Variants in APP observed in about 807,000 individuals in gnomAD.
APP encodes the protein amyloid beta precursor protein, also known as amyloid-beta precursor protein.
Under a neutral mutation model 101.4 loss-of-function variants are expected in APP, and 31 were observed. That is an observed-to-expected ratio of 0.31 (90% CI 0.23 to 0.41). The LOEUF is 0.41. Ranked by LOEUF, APP falls within the 10% of genes least tolerant of loss-of-function variation. APP has a pLI of 1.00. For missense variants in APP, 839 were observed against 1,003.7 expected, an observed-to-expected ratio of 0.84 and a Z score of 2.22; for synonymous variants, 366 against 364.4, an observed-to-expected ratio of 1.00 and a Z score of -0.05.
intron 11 of APP, among the ~76,000 whole-genome samples, chr21:25,962,223 T>TA (rs2041611078): frequency 6.6e-6 from 1 of 152,188 alleles, no homozygotes; most frequent in Non-Finnish European, 1.5e-5. Context: ...CACTGCCTTT[T>TA]AAAAAATCAT....
intron 1 of APP, among the ~76,000 whole-genome samples, chr21:26,132,169 T>C (rs991063116): frequency 1.3e-5 from 2 of 152,198 alleles, no homozygotes; most frequent in African/African-American, 4.8e-5. Flanking sequence ...TTTGCTATGA[T>C]CGAGCCTGTG....
At chr21:26,149,824 T>C (rs1000516209) in intron 1 of APP, among the ~76,000 whole-genome samples, 1 of 152,202 alleles carries the variant, frequency 6.6e-6, no homozygotes, top group Non-Finnish European at 1.5e-5. Flanking sequence ...GAATCGTCAC[T>C]GAAAAATTGC....
At chr21:26,032,739 T>C (rs1051583243) in intron 5 of APP, among the ~76,000 whole-genome samples, 13 of 151,882 alleles carry the variant, frequency 8.6e-5, no homozygotes, top group South Asian at 4.2e-4. Flanking sequence ...GAAAATGGTA[T>C]AAAAATATCA....
chr21:25,969,655 C>T (rs993032370), intron 11 of APP, among the ~76,000 whole-genome samples: 5 of 151,572 alleles, frequency 3.3e-5, no homozygotes, highest in Non-Finnish European at 5.9e-5. Context: ...GCCTGGGTAA[C>T]ACAGCGAGAC....
At chr21:25,954,517 A>G in intron 13 of APP, 73 bp downstream of exon 13, 105 of 1,108,834 alleles carry the variant, frequency 9.5e-5, no homozygotes, top group Middle Eastern at 2.0e-4. Flanking sequence ...TCAAACAGAT[A>G]ACTCACTTCC....
At chr21:25,944,250 G>A (rs747465749) in intron 13 of APP, among the ~76,000 whole-genome samples, 1 of 152,122 alleles carries the variant, frequency 6.6e-6, no homozygotes, top group Non-Finnish European at 1.5e-5. Context: ...ATTAAGTAAC[G>A]CCCTGGCCTT....
Position 25,905,102 on chromosome 21 carries a change from A to C in APP, c.1910-25T>G. ...ACTGGGCACAGGAAGCAAGGGACAC[A>C]GAAAGCAAACAAGACAAATCAAGAT... is the stretch of plus-strand genomic sequence containing the variant. On this transcript the variant is annotated intron_variant, in intron 14 of 17. Coordinates refer to ENST00000346798, the MANE Select transcript of APP (RefSeq NM_000484.4). 3 of 1,609,192 alleles carry C rather than the reference A, an allele frequency of 1.9e-6. No homozygotes were observed. The African/African-American group carries it at 4.0e-5, about 21-fold the overall frequency.
chr21:26,007,580 G>T (rs1274783264), intron 6 of APP, among the ~76,000 whole-genome samples: 2 of 150,396 alleles, frequency 1.3e-5, no homozygotes, highest in African/African-American at 4.9e-5. Flanking sequence ...TATTTTTTTA[G>T]CCTAAGTTAT....
At chr21:26,099,674 A>G (rs1193045529) in intron 2 of APP, among the ~76,000 whole-genome samples, 1 of 152,252 alleles carries the variant, frequency 6.6e-6, no homozygotes, top group Non-Finnish European at 1.5e-5. Flanking sequence ...ATTCTCAACA[A>G]AAATTCTTTT....
At chr21:25,965,484 A>G (rs1265109010) in intron 11 of APP, among the ~76,000 whole-genome samples, 1 of 152,164 alleles carries the variant, frequency 6.6e-6, no homozygotes, top group Non-Finnish European at 1.5e-5. Context: ...TTTTAATTTT[A>G]CCCTCTCCTC....
intron 11 of APP, among the ~76,000 whole-genome samples, chr21:25,969,849 G>C (rs975537193): frequency 1.8e-4 from 9 of 49,868 alleles, no homozygotes; most frequent in African/African-American, 5.0e-4. Context: ...GAAAAGAAAA[G>C]AAAACAAAAG....
chr21:26,086,059 A>G (rs1222130030), intron 3 of APP, among the ~76,000 whole-genome samples: 1 of 152,232 alleles, frequency 6.6e-6, no homozygotes, highest in Non-Finnish European at 1.5e-5. Flanking sequence ...GTCAGAGACA[A>G]GTACAGAAAA....
chr21:26,136,966 C>T (rs1444539417), intron 1 of APP, among the ~76,000 whole-genome samples: 1 of 152,174 alleles, frequency 6.6e-6, no homozygotes, highest in East Asian at 1.9e-4. Flanking sequence ...GATCTCTGCT[C>T]ACTGCACCTA....
At chr21:25,931,939 C>T (rs2829984) in intron 13 of APP, among the ~76,000 whole-genome samples, 37,087 of 151,950 alleles carry the variant, frequency 0.24, 7,680 homozygotes, top group African/African-American at 0.56. Context: ...ACTCCACAGG[C>T]GCTTTGAAAA....
At position 25,890,645 on chromosome 21, in the gene APP, A is replaced by G. The variant is rs187280171; in HGVS notation, c.2211+1077T>C. On this transcript the variant is annotated intron_variant, in intron 17 of 17. Transcript: ENST00000346798. ...TCCCAGCTACTCAGGAAGCTGAGAC[A>G]AGAGAATTGCTTGAACCCAGGAGGC... 4.7e-3 allele frequency among the ~76,000 whole-genome samples: 715 copies of G among 151,144 alleles called. 3 individuals are homozygous for G. Among genetic ancestry groups the G allele is most frequent in the Non-Finnish European group, 8.3e-3 (565 of 67,844 alleles).
chr21:25,941,304 T>A (rs1378871880), intron 13 of APP: 1 of 152,198 alleles, frequency 6.6e-6, no homozygotes, highest in Non-Finnish European at 1.5e-5. Context: ...TTTGTCTGTC[T>A]CAGGTTATTT....
At chr21:26,111,887 TA>T in intron 2 of APP, 91 bp downstream of exon 2, 1 of 1,398,966 alleles carries the variant, frequency 7.1e-7, no homozygotes, top group Non-Finnish European at 1.0e-6. Context: ...ACTGTAGGGT[TA>T]AAATACTGAT....
intron 5 of APP, among the ~76,000 whole-genome samples, chr21:26,045,006 T>C (rs1018347421): frequency 1.3e-5 from 2 of 152,212 alleles, no homozygotes; most frequent in African/African-American, 2.4e-5. Context: ...TGCAACACAT[T>C]TTATGTCTGT....
chr21:26,163,465 C>T (rs2063542828), intron 1 of APP, among the ~76,000 whole-genome samples: 1 of 152,208 alleles, frequency 6.6e-6, no homozygotes. Context: ...ACAAAACAGG[C>T]TTATTCATCT....
Sources: allele counts gnomAD v4.1 joint callset (sites outside exome capture counted in the v4.1 genomes callset), GRCh38; gene constraint gnomAD v4.1.1; transcripts MANE v1.5; gene names NCBI Gene and HGNC (gene_info 2026-07-23, HGNC 2026-07-21).